The following EEF1E1 variants were observed in gnomAD, a reference collection of about 807,000 sequenced individuals.
EEF1E1 encodes the protein eukaryotic translation elongation factor 1 epsilon-1.
Under a neutral mutation model 19.9 loss-of-function variants are expected in EEF1E1, and 19 were observed. That is an observed-to-expected ratio of 0.95 (90% CI 0.66 to 1.40). The LOEUF is 1.40. Ranked by LOEUF, EEF1E1 falls within the 40% of genes most tolerant of loss-of-function variation. The pLI, the probability that EEF1E1 is intolerant of heterozygous loss-of-function variation, is 0.00. For synonymous variants in EEF1E1, 81 were observed against 80.0 expected (o/e 1.01, Z -0.07); for missense variants, 198 against 202.2 (o/e 0.98, Z 0.13).
downstream of EEF1E1, among the ~76,000 whole-genome samples, chr6:8,076,357 T>TC (rs1357448504): frequency 1.3e-5 from 2 of 152,174 alleles, no homozygotes; most frequent in Non-Finnish European, 2.9e-5. Context: ...GGAGTCTCGC[T>TC]CCGTTGCCCA....
intron 3 of EEF1E1, among the ~76,000 whole-genome samples, chr6:8,082,415 C>T (rs1199546366): frequency 6.6e-6 from 1 of 152,118 alleles, no homozygotes; most frequent in Non-Finnish European, 1.5e-5. Flanking sequence ...GTAGCTGGGA[C>T]TACAGTCACA....
At chr6:8,100,139 T>C (rs927196564) in intron 1 of EEF1E1, among the ~76,000 whole-genome samples, 22 of 152,170 alleles carry the variant, frequency 1.4e-4, no homozygotes, top group African/African-American at 4.1e-4. Flanking sequence ...TAAAATTAAA[T>C]TAAAAACCAC....
chr6:8,076,874 C>T (rs1380779314), downstream of EEF1E1, among the ~76,000 whole-genome samples: 1 of 152,106 alleles, frequency 6.6e-6, no homozygotes, highest in Non-Finnish European at 1.5e-5. Context: ...TGTGCTGTCA[C>T]CCAGGCTTTG....
downstream of EEF1E1, among the ~76,000 whole-genome samples, chr6:8,074,433 T>A (rs1005772632): frequency 6.6e-6 from 1 of 152,178 alleles, no homozygotes; most frequent in African/African-American, 2.4e-5. Flanking sequence ...CAATGATTGT[T>A]CTGAGGGCTG....
intron 1 of EEF1E1, among the ~76,000 whole-genome samples, chr6:8,099,521 C>T (rs761276699): frequency 1.6e-4 from 25 of 151,924 alleles, no homozygotes; most frequent in Non-Finnish European, 2.6e-4. Flanking sequence ...CTGAGGTGGG[C>T]GGATCACCTG....
chr6:8,080,132 C>T (rs1471195762), intron 3 of EEF1E1, 102 bp from the exon 4 acceptor site: 5 of 1,319,396 alleles, frequency 3.8e-6, no homozygotes, highest in Non-Finnish European at 5.3e-6. Flanking sequence ...ACAACAACAT[C>T]AATCCCCCAA....
At chr6:8,080,914 G>A (rs76641648) in intron 3 of EEF1E1, among the ~76,000 whole-genome samples, 3,684 of 152,314 alleles carry the variant, frequency 0.024, 172 homozygotes, top group African/African-American at 0.084. Flanking sequence ...CAGCCTGCTT[G>A]TTGGGAGACA....
downstream of EEF1E1, among the ~76,000 whole-genome samples, chr6:8,077,541 T>C (rs116769697): frequency 7.7e-3 from 1,175 of 152,340 alleles, 14 homozygotes; most frequent in African/African-American, 0.026. Context: ...CTTGCACTTG[T>C]GTTATGGAGA....
chr6:8,080,460 T>C (rs1757697832), intron 3 of EEF1E1, among the ~76,000 whole-genome samples: 1 of 152,184 alleles, frequency 6.6e-6, no homozygotes, highest in Admixed American at 6.5e-5. Context: ...CTACTTCCAG[T>C]GGTGTGTGAC....
Position 8,079,428 on chromosome 6 carries a change from A to G in EEF1E1, c.*462T>C. ...CAACCACATTTACTAGCTCACATAA[A>G]TATTTTAAAACAAATCCATCTGTCT... On this transcript the variant is annotated 3_prime_UTR_variant, in exon 4 of 4. Transcript: ENST00000379715. 1.0e-6 allele frequency: 1 copy of G among 989,614 alleles called. No individual in the cohort carries two copies. The highest frequency in any genetic ancestry group is 1.2e-6 in the Non-Finnish European group (1 of 832,070). The allele number at this position is 989,614 out of a possible 1,614,324, so 61.3% of individuals were successfully genotyped here.
chr6:8,086,712 A>G (rs1757864105), intron 3 of EEF1E1, among the ~76,000 whole-genome samples: 1 of 152,188 alleles, frequency 6.6e-6, no homozygotes, highest in South Asian at 2.1e-4. Context: ...CACTGGTCCT[A>G]TTTCCTTCTT....
At chr6:8,088,409 T>C (rs896101651) in intron 3 of EEF1E1, among the ~76,000 whole-genome samples, 1 of 152,152 alleles carries the variant, frequency 6.6e-6, no homozygotes, top group South Asian at 2.1e-4. Context: ...AATTCCCACA[T>C]GTCACAGGAG....
intron 3 of EEF1E1, among the ~76,000 whole-genome samples, chr6:8,087,362 C>T (rs1170327645): frequency 2.0e-5 from 3 of 152,226 alleles, no homozygotes; most frequent in Non-Finnish European, 4.4e-5. Context: ...GGATTTCAGG[C>T]ATGCGCCACC....
intron 2 of EEF1E1, among the ~76,000 whole-genome samples, chr6:8,094,362 C>T (rs992210270): frequency 2.0e-5 from 3 of 151,580 alleles, no homozygotes; most frequent in East Asian, 3.9e-4. Flanking sequence ...TTCAGGAGGC[C>T]GAGGCGGGTG....
intron 1 of EEF1E1, chr6:8,102,106 T>A: frequency 6.4e-6 from 8 of 1,256,136 alleles, no homozygotes; most frequent in Non-Finnish European, 8.1e-6. Context: ...AAAAAGCCAG[T>A]TACTGAATAC....
chr6:8,076,857 A>G (rs911139453), downstream of EEF1E1, among the ~76,000 whole-genome samples: 11 of 152,166 alleles, frequency 7.2e-5, no homozygotes, highest in African/African-American at 2.4e-4. Flanking sequence ...ACCATACTGT[A>G]AACAGATGTG....
downstream of EEF1E1, among the ~76,000 whole-genome samples, chr6:8,075,032 G>A (rs922927471): frequency 6.6e-6 from 1 of 152,184 alleles, no homozygotes; most frequent in Non-Finnish European, 1.5e-5. Flanking sequence ...AATGCTTGGT[G>A]GCCTATTTCC....
At chr6:8,077,037 G>A (rs1005188225), downstream of EEF1E1, among the ~76,000 whole-genome samples, 6 of 150,382 alleles carry the variant, frequency 4.0e-5, no homozygotes, top group Non-Finnish European at 7.4e-5. Flanking sequence ...TCCGCCTCCC[G>A]GGTTCACGCC....
intron 3 of EEF1E1, among the ~76,000 whole-genome samples, chr6:8,083,640 T>C (rs191392295): frequency 6.6e-6 from 1 of 152,306 alleles, no homozygotes. Flanking sequence ...ATGACTAAAA[T>C]TGGGCTCACA....
Sources: allele counts gnomAD v4.1 joint callset (sites outside exome capture counted in the v4.1 genomes callset), GRCh38; gene constraint gnomAD v4.1.1; transcripts MANE v1.5; gene names NCBI Gene and HGNC (gene_info 2026-07-23, HGNC 2026-07-21).